The following ANKRD28 variants were observed in gnomAD, a reference collection of about 807,000 sequenced individuals.
ANKRD28 encodes the protein serine/threonine-protein phosphatase 6 regulatory ankyrin repeat subunit A.
ANKRD28 carries 44 observed loss-of-function variants against 126.5 expected under a neutral mutation model. The observed-to-expected ratio is 0.35, with a 90% confidence interval of 0.27 to 0.45. The LOEUF (loss-of-function observed/expected upper bound fraction) is 0.45, where lower values mean the gene tolerates loss of function less well. Among genes scored for constraint, ANKRD28 ranks in the 20% least tolerant of loss-of-function variants. The pLI is 1.00. For synonymous variants in ANKRD28, 442 were observed against 468.5 expected (o/e 0.94, Z 0.73); for missense variants, 1,110 against 1,316.6 (o/e 0.84, Z 2.43).
At chr3:15,859,227 C>T in intron 1 of ANKRD28, 1 of 1,232,826 alleles carries the variant, frequency 8.1e-7, no homozygotes. Flanking sequence ...GGACCCCGGC[C>T]CGCCGTCTCG....
intron 25 of ANKRD28, 81 bp downstream of exon 25, chr3:15,677,399 T>C (rs2067054723): frequency 9.8e-7 from 1 of 1,018,720 alleles, no homozygotes; most frequent in African/African-American, 1.6e-5. Context: ...TCCTGAGTTG[T>C]TCATTTTAGT....
At chr3:15,797,986 C>T (rs1222198938), upstream of ANKRD28, 2 of 985,270 alleles carry the variant, frequency 2.0e-6, no homozygotes, top group Non-Finnish European at 2.4e-6. Context: ...ATCTGAGCTA[C>T]TTCTCGGGAT....
At chr3:15,743,158 A>C (rs1327756854) in intron 4 of ANKRD28, among the ~76,000 whole-genome samples, 3 of 152,172 alleles carry the variant, frequency 2.0e-5, no homozygotes, top group African/African-American at 7.2e-5. Flanking sequence ...GTGCTTTGTT[A>C]AACAGATGCT....
Position 15,781,268 on chromosome 3 carries a change from A to C in ANKRD28, c.201+13955T>G, listed in dbSNP as rs536669126. Among the ~76,000 whole-genome samples the C allele has an allele frequency of 2.0e-5, 3 of 152,270 alleles. No homozygotes were observed. The East Asian group carries it at 5.8e-4, about 29-fold the overall frequency. On this transcript the variant is annotated intron_variant, in intron 2 of 27. Coordinates refer to ENST00000683139, the MANE Select transcript of ANKRD28 (RefSeq NM_001349278.2). ...CATCTGACTGAATTAAAGGATACTT[A>C]GATAGCTGGTATGGCATTATTTCTG...
intron 1 of ANKRD28, among the ~76,000 whole-genome samples, chr3:15,847,452 TTTAA>T (rs1236361057): frequency 1.3e-5 from 2 of 152,226 alleles, no homozygotes; most frequent in Non-Finnish European, 2.9e-5. Context: ...CCTCATTCAC[TTTAA>T]TTATCACCTA....
intron 1 of ANKRD28, among the ~76,000 whole-genome samples, chr3:15,823,682 A>C (rs2060995326): frequency 1.3e-5 from 2 of 152,240 alleles, no homozygotes; most frequent in African/African-American, 4.8e-5. Context: ...AAATACTAGC[A>C]AACCAAATTC....
At chr3:15,703,017 G>T (rs1446921712) in intron 14 of ANKRD28, among the ~76,000 whole-genome samples, 1 of 152,168 alleles carries the variant, frequency 6.6e-6, no homozygotes, top group East Asian at 1.9e-4. Context: ...TAAGTAATTT[G>T]CTGAAGGTCC....
chr3:15,734,273 G>C (rs1246638051), intron 6 of ANKRD28, among the ~76,000 whole-genome samples: 1 of 152,200 alleles, frequency 6.6e-6, no homozygotes, highest in Non-Finnish European at 1.5e-5. Context: ...TTCCTCCATT[G>C]AATCTTCTGT....
chr3:15,815,207 G>A lies in ANKRD28; in HGVS notation c.28-19901C>T, dbSNP rs2060808192. ...CTTGTCTTCACATAAATAAAATTAG[G>A]CCTAAAAAATTATGGAGCCATAATT... On this transcript the variant is annotated intron_variant, in intron 1 of 27. Coordinates refer to the ANKRD28 transcript ENST00000399451. This position sits in a 1 kb window ranked among gnomAD's most constrained non-coding sequence, Gnocchi z 4.1. 1.3e-5 allele frequency among the ~76,000 whole-genome samples: 2 copies of A among 151,784 alleles called. No homozygotes were observed. The highest frequency in any genetic ancestry group is 6.6e-5 in the Admixed American group (1 of 15,244).
intron 4 of ANKRD28, among the ~76,000 whole-genome samples, chr3:15,748,104 T>G (rs1038399269): frequency 3.9e-5 from 6 of 152,222 alleles, no homozygotes; most frequent in African/African-American, 1.4e-4. Context: ...GTGAGTCTAC[T>G]GAAGACAGCA....
intron 1 of ANKRD28, among the ~76,000 whole-genome samples, chr3:15,847,304 C>A (rs867810240): frequency 6.6e-6 from 1 of 152,162 alleles, no homozygotes; most frequent in Non-Finnish European, 1.5e-5. Context: ...TAGGGTGCAA[C>A]TGGGATTGCT....
chr3:15,794,588 A>G (rs534298116), intron 2 of ANKRD28, among the ~76,000 whole-genome samples: 57 of 88,128 alleles, frequency 6.5e-4, no homozygotes, highest in Non-Finnish European at 1.3e-3. Context: ...CTGAAAAAAC[A>G]TAACAGAGAG....
intron 1 of ANKRD28, among the ~76,000 whole-genome samples, chr3:15,820,253 A>G (rs1006473828): frequency 6.6e-6 from 1 of 152,212 alleles, no homozygotes; most frequent in African/African-American, 2.4e-5. Context: ...ATATCAACCT[A>G]TAATACACAT....
intron 2 of ANKRD28, among the ~76,000 whole-genome samples, chr3:15,769,721 G>T (rs2058908226): frequency 6.6e-6 from 1 of 152,254 alleles, no homozygotes; most frequent in East Asian, 1.9e-4. Context: ...CCATGATGGG[G>T]TATGTTTATC....
intron 14 of ANKRD28, among the ~76,000 whole-genome samples, chr3:15,700,076 T>C (rs1343008382): frequency 1.3e-5 from 2 of 152,206 alleles, no homozygotes; most frequent in Admixed American, 6.5e-5. Context: ...TGAGTTCATG[T>C]CCTTTGCAGG....
At chr3:15,716,264 G>T (rs1261478789) in intron 8 of ANKRD28, among the ~76,000 whole-genome samples, 2 of 150,070 alleles carry the variant, frequency 1.3e-5, no homozygotes, top group Non-Finnish European at 3.0e-5. Flanking sequence ...TTACAGGCAT[G>T]AGCCACCGCA....
At chr3:15,677,172 G>C in intron 25 of ANKRD28, 116 bp from the exon 26 acceptor site, 1 of 801,706 alleles carries the variant, frequency 1.2e-6, no homozygotes, top group Non-Finnish European at 2.0e-6. Context: ...CATATACCAT[G>C]AATTTTCCTG....
chr3:15,754,261 T>C (rs2058037479), intron 3 of ANKRD28, among the ~76,000 whole-genome samples: 1 of 152,222 alleles, frequency 6.6e-6, no homozygotes, highest in Non-Finnish European at 1.5e-5. Flanking sequence ...CCACCCAGGA[T>C]GTGAATCATC....
At chr3:15,694,637 G>T in intron 17 of ANKRD28, 102 bp downstream of exon 17, 1 of 898,524 alleles carries the variant, frequency 1.1e-6, no homozygotes, top group Non-Finnish European at 1.7e-6. Context: ...ACTATTACAT[G>T]GACCAAAAGT....
Sources: gnomAD v4.1 joint callset for allele counts (sites outside exome capture counted in the v4.1 genomes callset) on GRCh38, gnomAD v4.1.1 for gene constraint, Gnocchi (gnomAD v3.1) non-coding constraint, MANE v1.5 for transcripts, NCBI Gene and HGNC (gene_info 2026-07-23, HGNC 2026-07-21) for gene names.